The following MARCO variants were observed in gnomAD, a reference collection of about 807,000 sequenced individuals.
The protein encoded by MARCO is macrophage receptor MARCO.
A neutral mutation model predicts 70.0 loss-of-function variants in MARCO; 72 were observed. The observed-to-expected ratio is 1.03, with a 90% CI of 0.85 to 1.25. The LOEUF (loss-of-function observed/expected upper bound fraction) is 1.25, where lower values mean the gene tolerates loss of function less well. Ranked by LOEUF, MARCO falls within the 50% of genes most tolerant of loss-of-function variation. MARCO has a pLI of 0.00. For missense variants in MARCO, 696 were observed against 659.3 expected (o/e 1.06, Z -0.61); for synonymous variants, 273 against 243.1 (o/e 1.12, Z -1.14).
At chr2:118,946,958 G>C (rs1679612375) in intron 1 of MARCO, among the ~76,000 whole-genome samples, 1 of 152,122 alleles carries the variant, frequency 6.6e-6, no homozygotes, top group Non-Finnish European at 1.5e-5. Context: ...CATATGTATA[G>C]CCTCTTCAGT....
chr2:118,957,909 A>G (rs774998686), intron 1 of MARCO, among the ~76,000 whole-genome samples: 28 of 152,278 alleles, frequency 1.8e-4, no homozygotes, highest in Middle Eastern at 3.4e-3. Flanking sequence ...TCACATGATC[A>G]TTTCAATAGA....
At chr2:118,962,930 G>T (rs370328476) in intron 1 of MARCO, among the ~76,000 whole-genome samples, 3 of 152,022 alleles carry the variant, frequency 2.0e-5, no homozygotes, top group African/African-American at 7.2e-5. Flanking sequence ...ATGGCTGCAG[G>T]ATCTGTAGTG....
chr2:118,985,800 A>G (rs954672427), intron 12 of MARCO, among the ~76,000 whole-genome samples: 16 of 152,224 alleles, frequency 1.1e-4, no homozygotes, highest in African/African-American at 3.6e-4. Flanking sequence ...CAGCCAAAAC[A>G]TTTAAACTCC....
chr2:118,948,208 A>G (rs1307150648), intron 1 of MARCO, among the ~76,000 whole-genome samples: 1 of 152,214 alleles, frequency 6.6e-6, no homozygotes, highest in Non-Finnish European at 1.5e-5. Flanking sequence ...TCAATTACAG[A>G]TGGAACAATG....
intron 12 of MARCO, among the ~76,000 whole-genome samples, chr2:118,986,086 T>C (rs1293329440): frequency 3.3e-5 from 5 of 152,218 alleles, no homozygotes; most frequent in Non-Finnish European, 5.9e-5. Context: ...CAATAATTTA[T>C]TAAATTCTAC....
intron 1 of MARCO, among the ~76,000 whole-genome samples, chr2:118,953,952 G>A (rs1426178647): frequency 6.6e-6 from 1 of 152,184 alleles, no homozygotes; most frequent in Non-Finnish European, 1.5e-5. Flanking sequence ...CTCCTGGCTG[G>A]CACCACAGGA....
At chr2:118,943,884 C>A (rs1422155184) in intron 1 of MARCO, among the ~76,000 whole-genome samples, 2 of 152,108 alleles carry the variant, frequency 1.3e-5, no homozygotes, top group Non-Finnish European at 2.9e-5. Context: ...CTGAAAGGCA[C>A]TAATGTGCAT....
intron 1 of MARCO, chr2:118,944,655 A>C (rs969544281): frequency 7.9e-5 from 9 of 113,342 alleles, no homozygotes; most frequent in African/African-American, 2.4e-4. Context: ...GTATTAAACT[A>C]GTTTTTTTTT....
intron 1 of MARCO, among the ~76,000 whole-genome samples, chr2:118,967,085 C>T (rs2104572902): frequency 6.6e-6 from 1 of 152,322 alleles, no homozygotes; most frequent in Non-Finnish European, 1.5e-5. Flanking sequence ...GCTCAAAGAG[C>T]TTCCAGGCCA....
chr2:118,969,502 A>G (rs1416846801), intron 2 of MARCO, among the ~76,000 whole-genome samples: 1 of 152,188 alleles, frequency 6.6e-6, no homozygotes, highest in African/African-American at 2.4e-5. Context: ...TTGTGAGCCT[A>G]TGTGTCTAAG....
intron 3 of MARCO, 102 bp from the exon 4 acceptor site, chr2:118,971,397 G>A: frequency 1.8e-6 from 2 of 1,130,494 alleles, no homozygotes; most frequent in East Asian, 2.4e-5. Context: ...GCCCCACACA[G>A]GAGGGCTTAC....
chr2:118,960,602 T>C (rs563005566), intron 1 of MARCO, among the ~76,000 whole-genome samples: 1 of 152,330 alleles, frequency 6.6e-6, no homozygotes, highest in East Asian at 1.9e-4. Flanking sequence ...TGGTGGAATA[T>C]ATTGATTAAG....
intron 1 of MARCO, among the ~76,000 whole-genome samples, chr2:118,948,154 A>G (rs4849740): frequency 0.13 from 20,150 of 152,262 alleles, 1,471 homozygotes; most frequent in South Asian, 0.28. Flanking sequence ...CAGAGACAAA[A>G]GATCTCTCAG....
intron 10 of MARCO, 97 bp from the exon 11 acceptor site, chr2:118,982,059 G>T (rs112506021): frequency 1.2e-4 from 93 of 778,702 alleles, no homozygotes; most frequent in African/African-American, 1.0e-3. Context: ...GTGTTAAGAG[G>T]TACATGTCTC....
At position 118,942,367 on chromosome 2, in the gene MARCO, C is replaced by A. The variant is rs540303527; in HGVS notation, c.67C>A (p.Gln23Lys). 8.7e-6 allele frequency: 14 copies of A among 1,613,622 alleles called. No individual in the cohort carries two copies. The African/African-American group carries it at 1.5e-4, about 17-fold the overall frequency. The change falls in exon 1 of 17, where the codon CAA becomes AAA. Residue 23 changes from glutamine to lysine, a missense_variant. Around this residue, in one of 3 missense-constraint regions of MARCO, gnomAD observed 605 missense variants for 537.6 expected, o/e 1.13. Transcript: ENST00000327097. ...LSETQQAAFH[Q>K]IAMEPFEINV... ...TGAGACCCAACAAGCTGCTTTTCAC[C>A]AAATTGCAATGGAGCCTTTCGAAAT...
chr2:118,968,115 G>C (rs779566671), intron 1 of MARCO, among the ~76,000 whole-genome samples: 8 of 152,206 alleles, frequency 5.3e-5, no homozygotes, highest in Non-Finnish European at 7.3e-5. Context: ...TAAATGCCTG[G>C]TGTGGAATAG....
intron 12 of MARCO, among the ~76,000 whole-genome samples, chr2:118,986,701 GAA>G (rs1285768502): frequency 1.1e-5 from 1 of 89,268 alleles, no homozygotes; most frequent in East Asian, 4.9e-4. Flanking sequence ...AAGAAAGAAA[GAA>G]AGAAAGAAAG....
At chr2:118,991,236 T>C (rs777339796) in intron 13 of MARCO, among the ~76,000 whole-genome samples, 2 of 149,170 alleles carry the variant, frequency 1.3e-5, no homozygotes, top group Non-Finnish European at 1.5e-5. Context: ...AAGCTAGATA[T>C]TCTATTATGT....
At chr2:118,955,485 G>A (rs1041941891) in intron 1 of MARCO, among the ~76,000 whole-genome samples, 4 of 152,172 alleles carry the variant, frequency 2.6e-5, no homozygotes, top group East Asian at 1.9e-4. Flanking sequence ...AATAATTGAT[G>A]TTCCTGAGGA....
Sources: allele counts gnomAD v4.1 joint callset (sites outside exome capture counted in the v4.1 genomes callset), GRCh38; gene constraint gnomAD v4.1.1; regional missense constraint gnomAD v4.1.1; transcripts MANE v1.5; gene names NCBI Gene and HGNC (gene_info 2026-07-23, HGNC 2026-07-21).